Variants in TAF3 observed in about 807,000 individuals in gnomAD.
The protein encoded by TAF3 is TATA-box binding protein associated factor 3.
TAF3 carries 7 observed loss-of-function variants against 80.6 expected under a neutral mutation model. The ratio of observed to expected loss-of-function variants is 0.09; its 90% CI spans 0.05 to 0.16. The LOEUF (loss-of-function observed/expected upper bound fraction) is 0.16, where lower values mean the gene tolerates loss of function less well. Among genes scored for constraint, TAF3 ranks in the 10% least tolerant of loss-of-function variants. TAF3 has a pLI of 1.00. For synonymous variants in TAF3, 444 were observed against 446.1 expected (o/e 1.00, Z 0.06); for missense variants, 921 against 1,140.2 (o/e 0.81, Z 2.77).
rs145810241 is a variant in TAF3, at chr10:7,866,158, T to C, written c.409+41598T>C. Reference sequence around the variant, plus strand: ...TTTCTAAGTTCCTCCAGTATGCATATGTTCCTTTTATCATTAGCAAATGGA... The same window carrying C: ...TTTCTAAGTTCCTCCAGTATGCATACGTTCCTTTTATCATTAGCAAATGGA... On this transcript the variant is annotated intron_variant, in intron 2 of 6. Transcript: ENST00000344293. Among the ~76,000 whole-genome samples, 5 of 152,366 alleles carry C rather than the reference T, an allele frequency of 3.3e-5. No individual in the cohort carries two copies. In the East Asian group the frequency reaches 7.7e-4, roughly 23 times the overall value.
chr10:7,999,794 T>A (rs1272509303), intron 4 of TAF3, among the ~76,000 whole-genome samples: 8 of 152,178 alleles, frequency 5.3e-5, no homozygotes, highest in Admixed American at 5.2e-4. Context: ...ACCATCATTG[T>A]AGGAGGTTTT....
chr10:7,998,265 G>GTATATATA (rs58358249), intron 4 of TAF3, among the ~76,000 whole-genome samples: 4 of 133,102 alleles, frequency 3.0e-5, no homozygotes, highest in South Asian at 2.4e-4. Context: ...ATATATATAT[G>GTATATATA]TATATATATA....
In TAF3 at chr10:8,009,243, G is replaced by T; in HGVS notation, c.2481G>T (p.Leu827=). The change falls in exon 5 of 7, where the codon CTG becomes CTT. Residue 827 remains leucine, a synonymous_variant. Coordinates refer to ENST00000344293, the MANE Select transcript of TAF3 (RefSeq NM_031923.4). The surrounding 1 kb of genome is among the most constrained non-coding windows in gnomAD (Gnocchi z 4.1). ...CCCAGGCCGCCGCGGGCCCTGCCCT[G>T]CTGCCCTCCCCGGGTCCCGCCGCCT... The part of the protein sequence containing the change: ...LLAQAAAGPA[L]LPSPGPAASG... The T allele has an allele frequency of 2.6e-6, 4 of 1,512,322 alleles. No individual in the cohort carries two copies. The highest frequency in any genetic ancestry group is 3.5e-6 in the Non-Finnish European group (4 of 1,131,784). 93.7% of individuals were successfully genotyped at this position (1,512,322 alleles called of 1,614,324 possible). A position where few individuals can be genotyped will look rare whatever the true frequency, so the allele number is the denominator to read the frequency against.
At chr10:7,963,184 C>A (rs1831527243) in intron 2 of TAF3, among the ~76,000 whole-genome samples, 1 of 152,132 alleles carries the variant, frequency 6.6e-6, no homozygotes, top group Non-Finnish European at 1.5e-5. Context: ...CATAAAAGTC[C>A]TAAAAATACC....
chr10:7,957,528 C>A (rs559727095), intron 2 of TAF3, among the ~76,000 whole-genome samples: 1 of 152,174 alleles, frequency 6.6e-6, no homozygotes, highest in South Asian at 2.1e-4. Context: ...AGAATACTCT[C>A]AAGATAAATG....
intron 2 of TAF3, among the ~76,000 whole-genome samples, chr10:7,863,670 C>T (rs1235193680): frequency 1.9e-5 from 1 of 52,276 alleles, no homozygotes; most frequent in Non-Finnish European, 3.6e-5. Context: ...TATATATACA[C>T]ACATATATAT....
intron 4 of TAF3, among the ~76,000 whole-genome samples, chr10:8,001,843 A>G (rs963045823): frequency 2.0e-5 from 3 of 152,190 alleles, no homozygotes; most frequent in African/African-American, 2.4e-5. Context: ...ATGCGTAATT[A>G]TTGCATAGTA....
At chr10:7,953,984 T>C (rs1588564366) in intron 2 of TAF3, among the ~76,000 whole-genome samples, 4 of 132,036 alleles carry the variant, frequency 3.0e-5, no homozygotes, top group South Asian at 2.8e-4. Context: ...ACTCCACAGG[T>C]GAATGAGTGG....
intron 2 of TAF3, among the ~76,000 whole-genome samples, chr10:7,867,100 A>T (rs1311644074): frequency 6.6e-6 from 1 of 152,110 alleles, no homozygotes; most frequent in East Asian, 1.9e-4. Flanking sequence ...CTGCACTAAA[A>T]ATACAAAAAT....
At chr10:7,920,036 A>C (rs2131187693) in intron 2 of TAF3, among the ~76,000 whole-genome samples, 1 of 152,274 alleles carries the variant, frequency 6.6e-6, no homozygotes, top group Admixed American at 6.5e-5. Flanking sequence ...ACTTGAGCGC[A>C]GGAGTTCAAG....
chr10:7,827,282 G>T (rs188476366), intron 2 of TAF3, among the ~76,000 whole-genome samples: 3 of 152,168 alleles, frequency 2.0e-5, no homozygotes, highest in African/African-American at 4.8e-5. Context: ...TAAAATAAGT[G>T]TAATAACACC....
At chr10:7,926,715 CT>C (rs1213692793) in intron 2 of TAF3, among the ~76,000 whole-genome samples, 2 of 152,026 alleles carry the variant, frequency 1.3e-5, no homozygotes, top group African/African-American at 4.8e-5. Flanking sequence ...TTCAGTAATT[CT>C]TTTTTTCTTC....
rs138079543 is a variant in TAF3, at chr10:7,834,571, G to C, written c.409+10011G>C. Among the ~76,000 whole-genome samples the C allele has an allele frequency of 5.3e-4, 80 of 152,236 alleles. No homozygotes were observed. The East Asian group carries it at 0.012, about 22-fold the overall frequency. The stretch of plus-strand genomic sequence containing the variant: ...ACATGTAGATGTGTGTGAATAGATA[G>C]ATAGGTGGATAGGGTTCCTCCTGAG... On this transcript the variant is annotated intron_variant, in intron 2 of 6. Transcript: ENST00000344293.
intron 2 of TAF3, among the ~76,000 whole-genome samples, chr10:7,899,618 T>G (rs1837539535): frequency 6.6e-6 from 1 of 152,190 alleles, no homozygotes; most frequent in Non-Finnish European, 1.5e-5. Flanking sequence ...CTCAGGAAGC[T>G]TCCATTCCCG....
chr10:7,918,487 A>G (rs920093830), intron 2 of TAF3, among the ~76,000 whole-genome samples: 2 of 152,166 alleles, frequency 1.3e-5, no homozygotes, highest in African/African-American at 4.8e-5. Flanking sequence ...ACTGTGAGCT[A>G]GTTCAAGTTC....
intron 2 of TAF3, among the ~76,000 whole-genome samples, chr10:7,841,827 T>C (rs765039340): frequency 5.3e-5 from 8 of 152,184 alleles, no homozygotes; most frequent in Non-Finnish European, 1.0e-4. Flanking sequence ...AGTGAGAATT[T>C]AGAATGGACC....
intron 2 of TAF3, among the ~76,000 whole-genome samples, chr10:7,825,660 G>A (rs984658955): frequency 6.6e-6 from 1 of 152,188 alleles, no homozygotes; most frequent in African/African-American, 2.4e-5. Context: ...TGTAGCCTGT[G>A]TCGGGATTTC....
At chr10:7,874,788 G>T (rs1228092779) in intron 2 of TAF3, among the ~76,000 whole-genome samples, 1 of 151,638 alleles carries the variant, frequency 6.6e-6, no homozygotes, top group African/African-American at 2.4e-5. Context: ...TCTAGGTGCA[G>T]ATTACATGGA....
chr10:7,935,828 A>C (rs565709559), intron 2 of TAF3, among the ~76,000 whole-genome samples: 1 of 152,254 alleles, frequency 6.6e-6, no homozygotes, highest in East Asian at 1.9e-4. Flanking sequence ...GTGCAACTGG[A>C]CCTGAACGAG....
Sources: gnomAD v4.1 joint callset for allele counts (sites outside exome capture counted in the v4.1 genomes callset) on GRCh38, gnomAD v4.1.1 for gene constraint, Gnocchi (gnomAD v3.1) non-coding constraint, MANE v1.5 for transcripts, NCBI Gene and HGNC (gene_info 2026-07-23, HGNC 2026-07-21) for gene names.